The following ATP13A1 variants were observed in gnomAD, a reference collection of about 807,000 sequenced individuals.
ATP13A1 encodes ATPase 13A1, also known as endoplasmic reticulum transmembrane helix translocase.
A neutral mutation model predicts 134.8 loss-of-function variants in ATP13A1; 55 were observed. The ratio of observed to expected loss-of-function variants is 0.41; its 90% confidence interval spans 0.33 to 0.51. The LOEUF (loss-of-function observed/expected upper bound fraction) is 0.51, where lower values mean the gene tolerates loss of function less well. Ranked by LOEUF, ATP13A1 falls within the 20% of genes least tolerant of loss-of-function variation. The pLI, the probability that ATP13A1 is intolerant of heterozygous loss-of-function variation, is 0.29. For missense variants in ATP13A1, 1,389 were observed against 1,652.8 expected, an observed-to-expected ratio of 0.84 and a Z score of 2.77; for synonymous variants, 775 against 725.1, an observed-to-expected ratio of 1.07 and a Z score of -1.10.
At position 19,654,637 on chromosome 19, in the gene ATP13A1, C is replaced by G. The variant is rs147477623; in HGVS notation, c.1719G>C (p.Ser573=). ...IPVETHRALA[S]CHSLMQLDDG... ...CGTCCAGCTGCATGAGCGAGTGGCACGAGGCCAGGGCCCGGTGTGTTTCTA... is the reference window on the plus strand; with the variant it reads ...CGTCCAGCTGCATGAGCGAGTGGCAGGAGGCCAGGGCCCGGTGTGTTTCTA... Residue 573 remains serine, a synonymous_variant, in exon 13 of 26, where the codon TCG becomes TCC. Coordinates refer to ENST00000357324, the MANE Select transcript of ATP13A1 (RefSeq NM_020410.3). 6 of 1,613,496 alleles carry G rather than the reference C, an allele frequency of 3.7e-6. No homozygotes were observed. The highest frequency in any genetic ancestry group is 1.1e-5 in the South Asian group (1 of 91,086).
intron 22 of ATP13A1, chr19:19,646,607 A>G: frequency 3.7e-6 from 2 of 541,468 alleles, no homozygotes; most frequent in Non-Finnish European, 6.6e-6. Flanking sequence ...ATCATGAAGC[A>G]GATCCTGCCC....
At chr19:19,651,600 G>T in intron 17 of ATP13A1, 89 bp downstream of exon 17, 1 of 1,012,762 alleles carries the variant, frequency 9.9e-7, no homozygotes, top group Non-Finnish European at 1.5e-6. Context: ...GTGCTGCTGA[G>T]GCCTGGTACA....
At chr19:19,649,053 T>C (rs538097632) in intron 19 of ATP13A1, among the ~76,000 whole-genome samples, 4 of 151,206 alleles carry the variant, frequency 2.6e-5, no homozygotes, top group Non-Finnish European at 5.9e-5. Context: ...ACCCGGGAGA[T>C]GGAGGTTGCA....
intron 17 of ATP13A1, chr19:19,651,032 G>C (rs140228043): frequency 6.6e-6 from 1 of 152,268 alleles, no homozygotes; most frequent in Non-Finnish European, 1.5e-5. Flanking sequence ...GAATCAGGCT[G>C]TCTGGATTCC....
At chr19:19,649,281 G>C (rs1213701562) in intron 19 of ATP13A1, among the ~76,000 whole-genome samples, 1 of 152,214 alleles carries the variant, frequency 6.6e-6, no homozygotes, top group Non-Finnish European at 1.5e-5. Flanking sequence ...GCTTTTGACA[G>C]AGATCTGGGG....
In ATP13A1 at chr19:19,663,629, C is replaced by G. The variant is rs936195716; in HGVS notation, c.38G>C (p.Cys13Ser). ...AAAAVGNAVPCGARPCGVRPD... is the reference protein window; with the variant it reads ...AAAAVGNAVPSGARPCGVRPD... The stretch of plus-strand genomic sequence containing the variant: ...CCGGACCCCGCAAGGCCGGGCCCCG[C>G]AGGGCACCGCGTTGCCCACCGCCGC... Residue 13 changes from cysteine to serine, a missense_variant, in exon 1 of 26, where the codon TGC (cysteine) becomes TCC (serine). Physicochemically the swap from Cys to Ser is moderately radical, Grantham distance 112. This residue lies in a region of ATP13A1 where 293 missense variants were observed against 270.8 expected (regional missense o/e 1.08). Coordinates refer to ENST00000357324, the MANE Select transcript of ATP13A1 (RefSeq NM_020410.3). The G allele has an allele frequency of 5.2e-6, 7 of 1,341,102 alleles. No homozygotes were observed. The African/African-American group carries it at 1.1e-4, about 21-fold the overall frequency. The allele number at this position is 1,341,102 out of a possible 1,614,324, so 83.1% of individuals were successfully genotyped here.
In ATP13A1 at chr19:19,646,223, T is replaced by A. The variant is rs745639999; in HGVS notation, c.3230A>T (p.Gln1077Leu). 6.2e-7 allele frequency: 1 copy of A among 1,613,784 alleles called. No individual in the cohort carries two copies. The highest frequency in any genetic ancestry group is 8.5e-7 in the Non-Finnish European group (1 of 1,179,862). Residue 1077 changes from glutamine to leucine, a missense_variant, in exon 23 of 26, where the codon CAG becomes CTG. Gln to Leu is a moderately radical substitution (Grantham distance 113, BLOSUM62 -2). This residue lies in a region of ATP13A1 where 228 missense variants were observed against 321.0 expected (regional missense o/e 0.71). Coordinates refer to ENST00000357324, the MANE Select transcript of ATP13A1 (RefSeq NM_020410.3). ...CACTTACTTCTCGGGGCTCCGGGCC[T>A]GGGCCTCACGGTACAGGTAGACAAG... is the stretch of plus-strand genomic sequence containing the variant. ...LSLVYLYREA[Q>L]ARSPEKQEQF...
At chr19:19,662,243 T>C in intron 1 of ATP13A1, 2 of 1,489,988 alleles carry the variant, frequency 1.3e-6, no homozygotes, top group Non-Finnish European at 8.9e-7. Flanking sequence ...TTCATTGTAC[T>C]ACCTCAAAGC....
Position 19,656,000 on chromosome 19 carries a change from A to C in ATP13A1, c.1213+54T>G, listed in dbSNP as rs1326322464. 1 of 1,611,964 alleles carries C rather than the reference A, an allele frequency of 6.2e-7. No homozygotes were observed. The highest frequency in any genetic ancestry group is 8.5e-7 in the Non-Finnish European group (1 of 1,179,578). On this transcript the variant is annotated intron_variant, in intron 8 of 25. Transcript: ENST00000357324. The surrounding 1 kb of genome is among the most constrained non-coding windows in gnomAD (Gnocchi z 5.7). The stretch of plus-strand genomic sequence containing the variant: ...TCCTGACTCCCTCATGATCAAGCAG[A>C]CGGGCAAAGGGGGTGGAAGCCCAGA...
chr19:19,659,830 C>T (rs769942540), intron 2 of ATP13A1, 39 bp from the exon 3 acceptor site: 2 of 1,604,508 alleles, frequency 1.2e-6, no homozygotes, highest in Admixed American at 1.7e-5. Flanking sequence ...GGCCCCTGAC[C>T]TTGGGGTGTC....
Position 19,663,594 on chromosome 19 carries a change from G to GCCCGTCAGGCCGGAC in ATP13A1, c.58_72dup (p.Val20_Gly24dup), listed in dbSNP as rs1446591745. On this transcript the variant is annotated inframe_insertion, in exon 1 of 26. Coordinates refer to ENST00000357324, the MANE Select transcript of ATP13A1 (RefSeq NM_020410.3). ...CGCGGCTGCGGCCCGGGCTTGGGCT[G>GCCCGTCAGGCCGGAC]CCCGTCAGGCCGGACCCCGCAAGGC... 2 of 1,436,336 alleles carry GCCCGTCAGGCCGGAC rather than the reference G, an allele frequency of 1.4e-6. No individual in the cohort carries two copies. The highest frequency in any genetic ancestry group is 1.8e-6 in the Non-Finnish European group (2 of 1,105,776). The allele number at this position is 1,436,336 out of a possible 1,614,324, so 89.0% of individuals were successfully genotyped here.
Position 19,657,422 on chromosome 19 carries a change from G to C in ATP13A1, c.678-14C>G. 6.4e-7 allele frequency: 1 copy of C among 1,559,650 alleles called. No individual in the cohort carries two copies. Among genetic ancestry groups the C allele is most frequent in the Non-Finnish European group, 8.7e-7 (1 of 1,151,604 alleles). ...ACCATCTCGGCCCTGCAAGAGACCA[G>C]GCCCCATCCTGTTCCCAGGGCAAGG... On this transcript the variant is annotated splice_polypyrimidine_tract_variant and intron_variant, in intron 3 of 25. Transcript: ENST00000357324.
At position 19,645,846 on chromosome 19, in the gene ATP13A1, G is replaced by T. The variant is rs778271320; in HGVS notation, c.3360+28C>A. 1 of 1,612,734 alleles carries T rather than the reference G, an allele frequency of 6.2e-7. No individual in the cohort carries two copies. The highest frequency in any genetic ancestry group is 8.5e-7 in the Non-Finnish European group (1 of 1,179,256). ...GGGTGGGGCTGGGTGGGCAGACAGTGAATGTTTGGGCAGGGCCCAGGCCTT... is the reference window on the plus strand; with the variant it reads ...GGGTGGGGCTGGGTGGGCAGACAGTTAATGTTTGGGCAGGGCCCAGGCCTT... On this transcript the variant is annotated intron_variant, in intron 24 of 25. Transcript: ENST00000357324. This position sits in a 1 kb window ranked among gnomAD's most constrained non-coding sequence, Gnocchi z 4.1.
chr19:19,662,999 G>A lies in ATP13A1; in HGVS notation c.396+272C>T, dbSNP rs2062103890. 1.6e-5 allele frequency: 10 copies of A among 635,582 alleles called. No homozygotes were observed. In the South Asian group the frequency reaches 1.7e-4, roughly 11 times the overall value. 39.4% of individuals were successfully genotyped at this position (635,582 alleles called of 1,614,324 possible). Reference sequence around the variant, plus strand: ...CTGGGCGACGTATGCTGGGCCCTGCGCTAAGCCTTTTACAAGTATTACATC... The same window carrying A: ...CTGGGCGACGTATGCTGGGCCCTGCACTAAGCCTTTTACAAGTATTACATC... On this transcript the variant is annotated intron_variant, in intron 1 of 25. Transcript: ENST00000357324.
intron 23 of ATP13A1, 40 bp downstream of exon 23, chr19:19,646,165 T>C: frequency 6.2e-7 from 1 of 1,611,972 alleles, no homozygotes; most frequent in Non-Finnish European, 8.5e-7. Context: ...CCTGCTATTC[T>C]CAGCTGCAGG....
rs756119208 is a variant in ATP13A1, at chr19:19,657,042, C to A, written c.858G>T (p.Arg286=). The A allele has an allele frequency of 1.0e-5, 16 of 1,571,012 alleles. No homozygotes were observed. The South Asian group carries it at 1.2e-4, about 12-fold the overall frequency. The change falls in exon 5 of 26, where the codon CGG becomes CGT. Residue 286 remains arginine, a synonymous_variant. Coordinates refer to ENST00000357324, the MANE Select transcript of ATP13A1 (RefSeq NM_020410.3). ...FEASLVQQQM[R]NMSEIRKMGN... Reference sequence around the variant, plus strand: ...CCATCTTCCGGATCTCCGACATGTTCCGCATCTGCTGCTGCACCAGCGAGG... The same window carrying A: ...CCATCTTCCGGATCTCCGACATGTTACGCATCTGCTGCTGCACCAGCGAGG...
At chr19:19,651,822 C>T (rs1335865890) in intron 16 of ATP13A1, 25 bp from the exon 17 acceptor site, 4 of 1,575,936 alleles carry the variant, frequency 2.5e-6, no homozygotes, top group Non-Finnish European at 3.5e-6. Context: ...GGCAGAGGCT[C>T]AGCATGGCAC....
rs1459876455 is a variant in ATP13A1, at chr19:19,645,392, G to C, written c.*30C>G. ...TGGGGTTCCCGCCCAGCGGCAGCCA[G>C]GGTGGGCAGTGGGTACCAGCACTGC... On this transcript the variant is annotated 3_prime_UTR_variant, in exon 26 of 26. Transcript: ENST00000357324. The surrounding 1 kb of genome is among the most constrained non-coding windows in gnomAD (Gnocchi z 4.1). 6.4e-7 allele frequency: 1 copy of C among 1,569,574 alleles called. No individual in the cohort carries two copies.
rs1206857136 is a variant in ATP13A1, at chr19:19,645,960, T to C, written c.3274A>G (p.Lys1092Glu). Residue 1092 changes from lysine to glutamate, a missense_variant, in exon 24 of 26, where the codon AAG (lysine) becomes GAG (glutamate). Physicochemically the swap from Lys to Glu is moderately conservative, Grantham distance 56 (BLOSUM62 1). Transcript: ENST00000357324. This position sits in a 1 kb window ranked among gnomAD's most constrained non-coding sequence, Gnocchi z 4.1. ...TTGACCAGGCTTGGCTCAAACTCCTTGTACAAGTCCACGAACTGCTCCTGC... is the reference window on the plus strand; with the variant it reads ...TTGACCAGGCTTGGCTCAAACTCCTCGTACAAGTCCACGAACTGCTCCTGC... ...EKQEQFVDLY[K>E]EFEPSLVNST... 2 of 1,613,070 alleles carry C rather than the reference T, an allele frequency of 1.2e-6. No homozygotes were observed. Among genetic ancestry groups the C allele is most frequent in the East Asian group, 2.2e-5 (1 of 44,874 alleles).
Sources: allele counts gnomAD v4.1 joint callset (sites outside exome capture counted in the v4.1 genomes callset), GRCh38; gene constraint gnomAD v4.1.1; regional missense constraint gnomAD v4.1.1; non-coding constraint Gnocchi (gnomAD v3.1); transcripts MANE v1.5; gene names NCBI Gene and HGNC (gene_info 2026-07-23, HGNC 2026-07-21).